The following BMPR1B variants were observed in gnomAD, a reference collection of about 807,000 sequenced individuals.
BMPR1B encodes bone morphogenetic protein receptor type-1B.
In BMPR1B, 12 loss-of-function variants were observed where a neutral mutation model predicts 59.1. That is an observed-to-expected ratio of 0.20 (90% confidence interval 0.13 to 0.33). The LOEUF (loss-of-function observed/expected upper bound fraction) is 0.33, where lower values mean the gene tolerates loss of function less well. Among genes scored for constraint, BMPR1B ranks in the 10% least tolerant of loss-of-function variants. The pLI is 1.00. For missense variants in BMPR1B, 550 were observed against 610.9 expected, an observed-to-expected ratio of 0.90 and a Z score of 1.05; for synonymous variants, 237 against 207.3, an observed-to-expected ratio of 1.14 and a Z score of -1.23.
intron 3 of BMPR1B, among the ~76,000 whole-genome samples, chr4:95,004,871 GT>G (rs533703160): frequency 4.6e-5 from 7 of 152,132 alleles, no homozygotes; most frequent in African/African-American, 9.7e-5. Context: ...AATGTGTAGA[GT>G]TTTTTTGTTG....
intron 3 of BMPR1B, among the ~76,000 whole-genome samples, chr4:95,097,054 T>C: frequency 6.9e-6 from 1 of 145,690 alleles, no homozygotes; most frequent in Non-Finnish European, 1.5e-5. Flanking sequence ...TACATAACTG[T>C]ATATAGTTAT....
intron 2 of BMPR1B, among the ~76,000 whole-genome samples, chr4:94,898,564 C>T (rs1001070889): frequency 6.6e-6 from 1 of 152,008 alleles, no homozygotes; most frequent in African/African-American, 2.4e-5. Context: ...TGAAGAAGGA[C>T]GTGTTTGCTT....
At chr4:95,125,602 AG>A (rs1259961060) in intron 8 of BMPR1B, among the ~76,000 whole-genome samples, 2 of 152,202 alleles carry the variant, frequency 1.3e-5, no homozygotes, top group African/African-American at 4.8e-5. Context: ...AACCTTGAAG[AG>A]AATATATGAG....
intron 3 of BMPR1B, among the ~76,000 whole-genome samples, chr4:95,089,412 A>T (rs1159912084): frequency 6.6e-6 from 1 of 152,132 alleles, no homozygotes; most frequent in East Asian, 1.9e-4. Context: ...GGTAGAGTTT[A>T]TGGGTGAGAA....
At chr4:95,137,422 G>C (rs1038109757) in intron 10 of BMPR1B, among the ~76,000 whole-genome samples, 1 of 152,142 alleles carries the variant, frequency 6.6e-6, no homozygotes, top group South Asian at 2.1e-4. Context: ...ATGTCTATTA[G>C]GTCTGCTTGG....
chr4:95,051,602 C>G, intron 3 of BMPR1B: 1 of 1,158,944 alleles, frequency 8.6e-7, no homozygotes, highest in Non-Finnish European at 1.2e-6. Context: ...GCGAGAAGAT[C>G]TGACAAGAGT....
intron 3 of BMPR1B, among the ~76,000 whole-genome samples, chr4:95,074,584 A>G (rs1435044749): frequency 6.6e-6 from 1 of 152,192 alleles, no homozygotes; most frequent in East Asian, 1.9e-4. Flanking sequence ...TACCACTTCC[A>G]GCTACCTTGG....
intron 3 of BMPR1B, among the ~76,000 whole-genome samples, chr4:95,005,576 C>G (rs1037267838): frequency 3.3e-5 from 5 of 152,138 alleles, no homozygotes; most frequent in Non-Finnish European, 5.9e-5. Flanking sequence ...ACTTCCCTTC[C>G]TGGTTACACT....
intron 3 of BMPR1B, among the ~76,000 whole-genome samples, chr4:95,002,787 C>T (rs973696076): frequency 6.6e-6 from 1 of 151,886 alleles, no homozygotes; most frequent in Non-Finnish European, 1.5e-5. Context: ...TAAGTATTAC[C>T]CACTTTTTAA....
At chr4:94,806,761 G>C (rs2110631495) in intron 1 of BMPR1B, among the ~76,000 whole-genome samples, 1 of 152,176 alleles carries the variant, frequency 6.6e-6, no homozygotes, top group East Asian at 1.9e-4. Flanking sequence ...ATCATTTTTA[G>C]CGTAGCGTTG....
intron 1 of BMPR1B, among the ~76,000 whole-genome samples, chr4:94,827,834 A>G (rs577461889): frequency 6.6e-6 from 1 of 152,330 alleles, no homozygotes; most frequent in South Asian, 2.1e-4. Context: ...ATGAGTATAA[A>G]AGTTTTCATC....
chr4:95,148,626 A>T (rs1734813592), intron 10 of BMPR1B, 122 bp from the exon 11 acceptor site: 1 of 978,350 alleles, frequency 1.0e-6, no homozygotes, highest in African/African-American at 1.6e-5. Context: ...AATTGTTTTT[A>T]TTCCCTGGAA....
At chr4:94,769,654 T>C (rs1722097287) in intron 1 of BMPR1B, among the ~76,000 whole-genome samples, 1 of 151,586 alleles carries the variant, frequency 6.6e-6, no homozygotes, top group Admixed American at 6.6e-5. Flanking sequence ...CAAAAAATAA[T>C]TCAGAGCACA....
At chr4:95,045,890 A>G (rs1019432629) in intron 3 of BMPR1B, among the ~76,000 whole-genome samples, 1 of 152,222 alleles carries the variant, frequency 6.6e-6, no homozygotes, top group African/African-American at 2.4e-5. Flanking sequence ...TAAAAACTGT[A>G]TATAAACATA....
intron 2 of BMPR1B, among the ~76,000 whole-genome samples, chr4:94,929,109 C>T (rs1032259602): frequency 6.6e-5 from 10 of 152,100 alleles, no homozygotes; most frequent in African/African-American, 1.4e-4. Flanking sequence ...TTGGCTACTA[C>T]GATGGCTTAA....
intron 6 of BMPR1B, among the ~76,000 whole-genome samples, chr4:95,116,421 G>GCGCGCGCACACACA: frequency 4.1e-4 from 50 of 123,252 alleles, no homozygotes; most frequent in African/African-American, 1.8e-3. Context: ...TTCAGCGCGC[G>GCGCGCGCACACACA]CACACACACA....
intron 3 of BMPR1B, among the ~76,000 whole-genome samples, chr4:95,019,761 A>G (rs1723835665): frequency 6.6e-6 from 1 of 152,202 alleles, no homozygotes; most frequent in African/African-American, 2.4e-5. Context: ...AGGAAATAGC[A>G]CTAGGGCCAA....
At position 95,131,509 on chromosome 4, in the gene BMPR1B, T is replaced by C. The variant is rs1733358905; in HGVS notation, c.1073T>C (p.Ile358Thr). The change falls in exon 10 of 13, where the codon ATT becomes ACT. Residue 358 changes from isoleucine (I) to threonine (T), a missense_variant. This residue lies in a region of BMPR1B where 318 missense variants were observed against 284.6 expected (regional missense o/e 1.12). Transcript: ENST00000515059. ...IADLGLAVKF[I>T]SDTNEVDIPP... is the part of the protein sequence containing the mutation. Reference sequence around the variant, plus strand: ...GACCTGGGCCTGGCTGTTAAATTTATTAGGTTAGTATCAAAGTGAACAAAT... The same window carrying C: ...GACCTGGGCCTGGCTGTTAAATTTACTAGGTTAGTATCAAAGTGAACAAAT... 4 of 1,614,012 alleles carry C rather than the reference T, an allele frequency of 2.5e-6. No homozygotes were observed. The East Asian group carries it at 8.9e-5, about 36-fold the overall frequency.
rs1268550390 is a variant in BMPR1B at position 95,131,215 on chromosome 4, G to T, written c.779G>T (p.Gly260Val). Reference sequence around the variant, plus strand: ...ACCTTTTCATCTTTTTTCCTTTTAGGTTTCATTGCTGCAGATATCAAAGGG... The same window carrying T: ...ACCTTTTCATCTTTTTTCCTTTTAGTTTTCATTGCTGCAGATATCAAAGGG... ...TVLMRHENIL[G>V]FIAADIKGTG... Residue 260 changes from glycine to valine, a missense_variant and splice_region_variant, in exon 10 of 13, where the codon GGT becomes GTT. Around this residue, in one of 6 missense-constraint regions of BMPR1B, gnomAD observed 318 missense variants for 284.6 expected, o/e 1.12. Coordinates refer to ENST00000515059, the MANE Select transcript of BMPR1B (RefSeq NM_001203.3). 5.0e-6 allele frequency: 8 copies of T among 1,612,942 alleles called. No homozygotes were observed. The highest frequency in any genetic ancestry group is 5.9e-6 in the Non-Finnish European group (7 of 1,179,444).
Sources: allele counts gnomAD v4.1 joint callset (sites outside exome capture counted in the v4.1 genomes callset), GRCh38; gene constraint gnomAD v4.1.1; regional missense constraint gnomAD v4.1.1; transcripts MANE v1.5; gene names NCBI Gene and HGNC (gene_info 2026-07-23, HGNC 2026-07-21).